The following BTRC variants were observed in gnomAD, a reference collection of about 807,000 sequenced individuals.
The protein encoded by BTRC is beta-transducin repeat containing E3 ubiquitin protein ligase.
A neutral mutation model predicts 85.5 loss-of-function variants in BTRC; 42 were observed. That is an observed-to-expected ratio of 0.49 (90% confidence interval 0.38 to 0.64). The LOEUF is 0.64. BTRC is among the 30% of genes least tolerant of loss of function. The pLI, the probability that BTRC is intolerant of heterozygous loss-of-function variation, is 0.00. For synonymous variants in BTRC, 255 were observed against 263.3 expected, an observed-to-expected ratio of 0.97 and a Z score of 0.30; for missense variants, 594 against 743.5, an observed-to-expected ratio of 0.80 and a Z score of 2.34.
chr10:101,521,506 G>T, intron 4 of BTRC, 133 bp from the exon 5 acceptor site: 1 of 653,796 alleles, frequency 1.5e-6, no homozygotes, highest in East Asian at 2.8e-5. Context: ...GGTTTTCCAC[G>T]TAATTGCTAA....
chr10:101,496,480 A>G (rs972588133), intron 4 of BTRC, among the ~76,000 whole-genome samples: 5 of 152,162 alleles, frequency 3.3e-5, no homozygotes, highest in Non-Finnish European at 7.3e-5. Flanking sequence ...CATCAGCGCA[A>G]TCATAGCTCA....
intron 1 of BTRC, among the ~76,000 whole-genome samples, chr10:101,354,786 G>A (rs199907049): frequency 3.3e-5 from 5 of 152,040 alleles, no homozygotes; most frequent in Non-Finnish European, 5.9e-5. Flanking sequence ...GAGGAGGGAG[G>A]ATAGCCTTTG....
At chr10:101,505,627 TA>T (rs201503713) in intron 4 of BTRC, among the ~76,000 whole-genome samples, 7,371 of 115,214 alleles carry the variant, frequency 0.064, 221 homozygotes, top group African/African-American at 0.092. Context: ...CTCAAAAAAA[TA>T]AAAAAAAAAA....
chr10:101,471,973 C>T (rs1294685430), intron 3 of BTRC, among the ~76,000 whole-genome samples: 5 of 152,168 alleles, frequency 3.3e-5, no homozygotes, highest in African/African-American at 1.2e-4. Flanking sequence ...CCCCCTTTGA[C>T]GTATCTTCAT....
At chr10:101,412,955 A>G (rs1027038207) in intron 1 of BTRC, among the ~76,000 whole-genome samples, 11 of 152,234 alleles carry the variant, frequency 7.2e-5, no homozygotes, top group African/African-American at 2.7e-4. Flanking sequence ...AAAAAATGAT[A>G]ACCCTTTCAT....
chr10:101,476,029 G>C (rs548944777), intron 3 of BTRC, among the ~76,000 whole-genome samples: 25 of 148,338 alleles, frequency 1.7e-4, no homozygotes, highest in South Asian at 6.4e-4. Context: ...GTATAATCAA[G>C]GCTAACATCA....
chr10:101,467,592 T>C (rs1945413490), intron 3 of BTRC, among the ~76,000 whole-genome samples: 1 of 152,098 alleles, frequency 6.6e-6, no homozygotes, highest in Non-Finnish European at 1.5e-5. Flanking sequence ...CGTTTGGGGT[T>C]TGCATTATTT....
intron 2 of BTRC, among the ~76,000 whole-genome samples, chr10:101,443,001 C>T (rs1025484423): frequency 6.6e-6 from 1 of 151,440 alleles, no homozygotes; most frequent in African/African-American, 2.4e-5. Context: ...CCTGCCTCAG[C>T]CTCTCGAGTA....
chr10:101,447,222 C>G (rs751437558), intron 2 of BTRC, among the ~76,000 whole-genome samples: 2 of 152,092 alleles, frequency 1.3e-5, no homozygotes, highest in African/African-American at 2.4e-5. Flanking sequence ...CTCTGTTATT[C>G]TTGAAACCTA....
In BTRC at chr10:101,541,257, GT is replaced by G. The variant is rs1014767172; in HGVS notation, c.1656+2891del. ...TATATAGATGTATGTCAGCTATAGG[GT>G]TTTTCTCTTTTTTTTTTTTGAGACG... On this transcript the variant is annotated intron_variant, in intron 13 of 14. Transcript: ENST00000370187. Among the ~76,000 whole-genome samples the G allele has an allele frequency of 4.8e-3, 581 of 122,034 alleles. 7 individuals carry two copies. Among genetic ancestry groups the G allele is most frequent in the African/African-American group, 0.019 (544 of 28,572 alleles). The allele number at this position is 122,034 out of a possible 152,430, so 80.1% of individuals were successfully genotyped here. A position where few individuals can be genotyped will look rare whatever the true frequency, so the allele number is the denominator to read the frequency against.
intron 1 of BTRC, among the ~76,000 whole-genome samples, chr10:101,383,057 ATTTTT>A (rs370353886): frequency 0.31 from 36,151 of 116,300 alleles, 5,582 homozygotes; most frequent in Middle Eastern, 0.47. Context: ...TTCCCTGGAG[ATTTTT>A]TTTTTTTTTT....
intron 14 of BTRC, among the ~76,000 whole-genome samples, chr10:101,551,666 G>A (rs563202877): frequency 1.3e-5 from 2 of 152,240 alleles, no homozygotes; most frequent in African/African-American, 4.8e-5. Flanking sequence ...TCTCGTGGCG[G>A]AAGTACATGT....
At chr10:101,387,678 C>T (rs762765734) in intron 1 of BTRC, among the ~76,000 whole-genome samples, 12 of 151,104 alleles carry the variant, frequency 7.9e-5, no homozygotes, top group Non-Finnish European at 1.6e-4. Context: ...AGGTGCCCAC[C>T]ACCACACCCG....
At chr10:101,483,470 A>G (rs916663949) in intron 4 of BTRC, among the ~76,000 whole-genome samples, 1 of 152,090 alleles carries the variant, frequency 6.6e-6, no homozygotes, top group South Asian at 2.1e-4. Context: ...GCACATGCCT[A>G]TAATCCCAGC....
intron 5 of BTRC, among the ~76,000 whole-genome samples, chr10:101,523,933 G>A (rs1384657688): frequency 6.6e-6 from 1 of 151,792 alleles, no homozygotes; most frequent in Non-Finnish European, 1.5e-5. Context: ...AGGAATCCTA[G>A]GGGAAAAAAT....
At chr10:101,477,272 A>AT (rs1171149071) in intron 3 of BTRC, among the ~76,000 whole-genome samples, 3 of 152,114 alleles carry the variant, frequency 2.0e-5, no homozygotes, top group Non-Finnish European at 4.4e-5. Context: ...AAGTGCTGGG[A>AT]TTACAGGTGT....
At chr10:101,546,420 A>G (rs1167141577) in intron 13 of BTRC, among the ~76,000 whole-genome samples, 1 of 152,136 alleles carries the variant, frequency 6.6e-6, no homozygotes. Context: ...TTTAATTTTT[A>G]CTTTTCATTT....
Position 101,521,885 on chromosome 10 carries a change from GT to G in BTRC, c.556+18del, listed in dbSNP as rs767043037. 6.4e-7 allele frequency: 1 copy of G among 1,567,386 alleles called. No homozygotes were observed. Among genetic ancestry groups the G allele is most frequent in the South Asian group, 1.1e-5 (1 of 89,374 alleles). ...TGCTCTGCCAGGTATGTCTACAAGT[GT>G]TTGTAAACCATTAATTTGCTATGAT... On this transcript the variant is annotated intron_variant, in intron 5 of 14. Coordinates refer to ENST00000370187, the MANE Select transcript of BTRC (RefSeq NM_033637.4).
intron 1 of BTRC, among the ~76,000 whole-genome samples, chr10:101,370,221 A>G (rs984855124): frequency 1.3e-5 from 2 of 152,216 alleles, no homozygotes; most frequent in Non-Finnish European, 2.9e-5. Flanking sequence ...TCCTGGGCTC[A>G]GGTGATCCTC....
Sources: allele counts gnomAD v4.1 joint callset (sites outside exome capture counted in the v4.1 genomes callset), GRCh38; gene constraint gnomAD v4.1.1; transcripts MANE v1.5; gene names NCBI Gene and HGNC (gene_info 2026-07-23, HGNC 2026-07-21).